The following MRTFA variants were observed in gnomAD, a reference collection of about 807,000 sequenced individuals.
The protein encoded by MRTFA is myocardin-related transcription factor A.
MRTFA carries 20 observed loss-of-function variants against 83.5 expected under a neutral mutation model. That is an observed-to-expected ratio of 0.24 (90% CI 0.17 to 0.35). The LOEUF (loss-of-function observed/expected upper bound fraction) is 0.35. MRTFA is among the 10% of genes least tolerant of loss of function. The probability of loss-of-function intolerance (pLI) is 1.00; values close to 1 mark genes in which losing one functional copy is unlikely to be tolerated. For synonymous variants in MRTFA, 659 were observed against 541.2 expected (o/e 1.22, Z -3.02); for missense variants, 1,200 against 1,224.7 (o/e 0.98, Z 0.30).
intron 3 of MRTFA, among the ~76,000 whole-genome samples, chr22:40,464,516 AAAAG>A (rs981276738): frequency 1.3e-5 from 2 of 151,572 alleles, no homozygotes; most frequent in Non-Finnish European, 1.5e-5. Flanking sequence ...CTAAAAAAAA[AAAAG>A]AAAGAAAAAA....
chr22:40,569,752 CATACAT>C (rs1569333037), intron 2 of MRTFA: 177 of 151,960 alleles, frequency 1.2e-3, no homozygotes, highest in African/African-American at 4.1e-3. Flanking sequence ...TACATACATA[CATACAT>C]ACATACATAC....
chr22:40,459,822 C>CACACATATACATAT (rs1308675939), intron 4 of MRTFA, among the ~76,000 whole-genome samples: 2 of 68,258 alleles, frequency 2.9e-5, no homozygotes, highest in African/African-American at 1.3e-4. Flanking sequence ...CACACACACA[C>CACACATATACATAT]ATATATACAT....
rs147445797 is a variant in MRTFA, at chr22:40,610,540, T to C, written c.-83-15805A>G. ...CAGACAGAAGCAGCTCTTAATCTCCTTGGCTTCCTTTTCAGGGGAATGTGC... is the reference window on the plus strand; with the variant it reads ...CAGACAGAAGCAGCTCTTAATCTCCCTGGCTTCCTTTTCAGGGGAATGTGC... On this transcript the variant is annotated intron_variant, in intron 1 of 14. Transcript: ENST00000355630. 8.0e-3 allele frequency among the ~76,000 whole-genome samples: 1,213 copies of C among 152,272 alleles called. 11 individuals are homozygous for C. Among genetic ancestry groups the C allele is most frequent in the Middle Eastern group, 0.037 (11 of 294 alleles).
At chr22:40,576,479 T>C (rs1301779949) in intron 2 of MRTFA, among the ~76,000 whole-genome samples, 3 of 152,206 alleles carry the variant, frequency 2.0e-5, no homozygotes, top group African/African-American at 7.2e-5. Context: ...CCCTAAATTG[T>C]TCAATTTACA....
intron 1 of MRTFA, among the ~76,000 whole-genome samples, chr22:40,629,928 T>C (rs982209372): frequency 1.3e-5 from 2 of 149,620 alleles, no homozygotes; most frequent in Non-Finnish European, 2.9e-5. Flanking sequence ...CACAAGAGCT[T>C]AGAGGTGGAA....
intron 3 of MRTFA, among the ~76,000 whole-genome samples, chr22:40,551,024 T>C (rs372237129): frequency 7.9e-5 from 12 of 151,908 alleles, no homozygotes; most frequent in African/African-American, 2.9e-4. Flanking sequence ...GCTAATTTTG[T>C]ATCTTTAGTA....
intron 2 of MRTFA, among the ~76,000 whole-genome samples, chr22:40,591,848 G>C (rs2056125196): frequency 6.6e-6 from 1 of 152,310 alleles, no homozygotes; most frequent in East Asian, 1.9e-4. Flanking sequence ...AAAATGCATA[G>C]ATTAAGAAAT....
At chr22:40,598,815 CGTCGCTACTT>C (rs2056222522) in intron 1 of MRTFA, among the ~76,000 whole-genome samples, 1 of 149,304 alleles carries the variant, frequency 6.7e-6, no homozygotes, top group Non-Finnish European at 1.5e-5. Context: ...GGAGAAATTC[CGTCGCTACTT>C]TAAAAAAAAA....
At chr22:40,636,139 G>A (rs2056695537) in intron 1 of MRTFA, among the ~76,000 whole-genome samples, 1 of 152,194 alleles carries the variant, frequency 6.6e-6, no homozygotes, top group African/African-American at 2.4e-5. Context: ...CCGACACCCC[G>A]TCCCTGCAAT....
intron 3 of MRTFA, among the ~76,000 whole-genome samples, chr22:40,505,595 T>A (rs1344894671): frequency 6.6e-6 from 1 of 152,184 alleles, no homozygotes; most frequent in Non-Finnish European, 1.5e-5. Flanking sequence ...CGTGATAGTA[T>A]TAGGAGGTGA....
At chr22:40,525,708 G>A (rs914145615) in intron 3 of MRTFA, among the ~76,000 whole-genome samples, 36 of 152,158 alleles carry the variant, frequency 2.4e-4, no homozygotes, top group African/African-American at 7.5e-4. Context: ...GTTAGGGCAC[G>A]CTATACAAAT....
chr22:40,459,822 C>CACACACACATATACATATATAT (rs1308675939), intron 4 of MRTFA, among the ~76,000 whole-genome samples: 1 of 68,260 alleles, frequency 1.5e-5, no homozygotes, highest in African/African-American at 6.4e-5. Flanking sequence ...CACACACACA[C>CACACACACATATACATATATAT]ATATATACAT....
At chr22:40,494,804 A>C (rs1318466742) in intron 3 of MRTFA, among the ~76,000 whole-genome samples, 1 of 152,230 alleles carries the variant, frequency 6.6e-6, no homozygotes, top group Non-Finnish European at 1.5e-5. Flanking sequence ...TATTATGCTA[A>C]AAGAAGCCAG....
chr22:40,477,499 C>T (rs906010738), intron 3 of MRTFA, among the ~76,000 whole-genome samples: 1 of 152,086 alleles, frequency 6.6e-6, no homozygotes, highest in Non-Finnish European at 1.5e-5. Flanking sequence ...AATTTTCTCA[C>T]TATAATTCAA....
chr22:40,576,453 G>A (rs1309797380), intron 2 of MRTFA, among the ~76,000 whole-genome samples: 1 of 152,176 alleles, frequency 6.6e-6, no homozygotes, highest in Non-Finnish European at 1.5e-5. Flanking sequence ...AGTGAATGCT[G>A]ATAATCCTAG....
At chr22:40,507,470 AAAG>A (rs1056088819) in intron 3 of MRTFA, among the ~76,000 whole-genome samples, 2 of 151,886 alleles carry the variant, frequency 1.3e-5, no homozygotes, top group Admixed American at 6.6e-5. Context: ...CTGTCTCTAA[AAAG>A]AATACAAAAA....
intron 2 of MRTFA, among the ~76,000 whole-genome samples, chr22:40,589,727 C>G (rs576612247): frequency 1.2e-4 from 19 of 152,270 alleles, no homozygotes; most frequent in Non-Finnish European, 2.6e-4. Flanking sequence ...AAACTCTGCA[C>G]TTAAAAATTC....
At chr22:40,470,228 A>ATT (rs1491546817) in intron 3 of MRTFA, among the ~76,000 whole-genome samples, 1 of 54,056 alleles carries the variant, frequency 1.8e-5, no homozygotes, top group African/African-American at 1.2e-4. Flanking sequence ...CATCTCCAAA[A>ATT]TTTTATATAT....
chr22:40,578,736 A>G (rs1460965218), intron 2 of MRTFA, among the ~76,000 whole-genome samples: 2 of 152,122 alleles, frequency 1.3e-5, no homozygotes, highest in Admixed American at 6.5e-5. Context: ...CATGGGCAAC[A>G]TGGTGAAACA....
Sources: allele counts gnomAD v4.1 joint callset (sites outside exome capture counted in the v4.1 genomes callset), GRCh38; gene constraint gnomAD v4.1.1; transcripts MANE v1.5; gene names NCBI Gene and HGNC (gene_info 2026-07-23, HGNC 2026-07-21).